The following ZNF521 variants were observed in gnomAD, a reference collection of about 807,000 sequenced individuals.
ZNF521 encodes the protein LYST-interacting protein 3.
In ZNF521, 14 loss-of-function variants were observed where a neutral mutation model predicts 105.5. That is an observed-to-expected ratio of 0.13 (90% CI 0.09 to 0.21). The LOEUF (loss-of-function observed/expected upper bound fraction) is 0.21. ZNF521 is among the 10% of genes least tolerant of loss of function. The pLI, the probability that ZNF521 is intolerant of heterozygous loss-of-function variation, is 1.00. For missense variants in ZNF521, 1,233 were observed against 1,629.7 expected (o/e 0.76, Z 4.19); for synonymous variants, 635 against 606.0 (o/e 1.05, Z -0.70).
intron 3 of ZNF521, among the ~76,000 whole-genome samples, chr18:25,296,154 C>G (rs770034411): frequency 4.6e-5 from 7 of 152,100 alleles, no homozygotes; most frequent in Admixed American, 2.0e-4. Flanking sequence ...TACTTAGAGT[C>G]TATTTTATTT....
At chr18:25,216,715 C>T (rs1324219141) in intron 4 of ZNF521, among the ~76,000 whole-genome samples, 1 of 152,096 alleles carries the variant, frequency 6.6e-6, no homozygotes, top group African/African-American at 2.4e-5. Flanking sequence ...TGCACCACCA[C>T]ACCTGATTAA....
chr18:25,180,919 G>A (rs2035621671), intron 5 of ZNF521, among the ~76,000 whole-genome samples: 1 of 152,192 alleles, frequency 6.6e-6, no homozygotes, highest in Non-Finnish European at 1.5e-5. Flanking sequence ...TATCTGCCCT[G>A]AATTCGTGGT....
At chr18:25,255,183 G>A (rs1273269581) in intron 3 of ZNF521, among the ~76,000 whole-genome samples, 1 of 152,010 alleles carries the variant, frequency 6.6e-6, no homozygotes, top group African/African-American at 2.4e-5. Flanking sequence ...ACACATAATT[G>A]CTGCTTTTAC....
At chr18:25,190,231 T>A (rs1275842235) in intron 5 of ZNF521, among the ~76,000 whole-genome samples, 1 of 152,154 alleles carries the variant, frequency 6.6e-6, no homozygotes, top group Non-Finnish European at 1.5e-5. Flanking sequence ...CTCTGAATTT[T>A]GTAAGCAATC....
At chr18:25,171,883 C>T (rs1056350551) in intron 5 of ZNF521, among the ~76,000 whole-genome samples, 1 of 152,070 alleles carries the variant, frequency 6.6e-6, no homozygotes, top group African/African-American at 2.4e-5. Flanking sequence ...TACTGTCAAG[C>T]TGCCACCCCT....
chr18:25,104,416 CA>C (rs1316180823), intron 5 of ZNF521, among the ~76,000 whole-genome samples: 1 of 152,164 alleles, frequency 6.6e-6, no homozygotes. Context: ...CTGTCTTAAA[CA>C]ATCTAAGTAG....
chr18:25,128,739 T>C (rs1164383352), intron 5 of ZNF521, among the ~76,000 whole-genome samples: 1 of 152,040 alleles, frequency 6.6e-6, no homozygotes, highest in Non-Finnish European at 1.5e-5. Flanking sequence ...CGTATAGACC[T>C]AATGATATAT....
At chr18:25,220,253 T>C (rs774354961) in intron 4 of ZNF521, among the ~76,000 whole-genome samples, 3 of 152,200 alleles carry the variant, frequency 2.0e-5, no homozygotes, top group African/African-American at 7.2e-5. Context: ...AGATATACTA[T>C]CTTTTTGTTT....
At chr18:25,245,031 G>A (rs985576634) in intron 3 of ZNF521, among the ~76,000 whole-genome samples, 2 of 152,220 alleles carry the variant, frequency 1.3e-5, no homozygotes. Context: ...GCTGGGAACT[G>A]CCTGCATTTT....
intron 2 of ZNF521, among the ~76,000 whole-genome samples, chr18:25,327,250 T>C (rs1040510299): frequency 1.3e-5 from 2 of 152,202 alleles, no homozygotes; most frequent in African/African-American, 4.8e-5. Flanking sequence ...AGGAATTCCA[T>C]GCTAAATAAG....
At chr18:25,307,360 C>T (rs957464583) in intron 3 of ZNF521, among the ~76,000 whole-genome samples, 3 of 152,198 alleles carry the variant, frequency 2.0e-5, no homozygotes, top group African/African-American at 7.2e-5. Context: ...AAACTCAAAA[C>T]TCAAATGGAA....
At chr18:25,197,275 A>G (rs2035918581) in intron 4 of ZNF521, among the ~76,000 whole-genome samples, 1 of 151,978 alleles carries the variant, frequency 6.6e-6, no homozygotes, top group South Asian at 2.1e-4. Flanking sequence ...TTACGGCTAG[A>G]TAAGAATTTA....
At chr18:25,214,270 G>A (rs1004544195) in intron 4 of ZNF521, among the ~76,000 whole-genome samples, 24 of 152,230 alleles carry the variant, frequency 1.6e-4, no homozygotes, top group African/African-American at 5.5e-4. Flanking sequence ...ATTTTGATAT[G>A]TGTAATGTTT....
intron 2 of ZNF521, among the ~76,000 whole-genome samples, chr18:25,339,313 A>G (rs953621471): frequency 1.3e-5 from 2 of 152,208 alleles, no homozygotes; most frequent in East Asian, 1.9e-4. Flanking sequence ...TGCTCAATAA[A>G]AAATCCTTTA....
intron 5 of ZNF521, among the ~76,000 whole-genome samples, chr18:25,166,300 A>C (rs1288784645): frequency 6.6e-6 from 1 of 152,214 alleles, no homozygotes; most frequent in Non-Finnish European, 1.5e-5. Context: ...AGTGGGAAGC[A>C]TAAACAGAAT....
At chr18:25,137,858 G>A (rs1299371308) in intron 5 of ZNF521, among the ~76,000 whole-genome samples, 3 of 152,112 alleles carry the variant, frequency 2.0e-5, no homozygotes, top group Admixed American at 6.6e-5. Context: ...TTGATCCTAA[G>A]GATGCCTAAT....
At chr18:25,235,388 G>A (rs1177669913) in intron 3 of ZNF521, among the ~76,000 whole-genome samples, 1 of 152,162 alleles carries the variant, frequency 6.6e-6, no homozygotes, top group Non-Finnish European at 1.5e-5. Context: ...GAAGCAGAAG[G>A]TAAAGGGGAT....
At chr18:25,273,835 T>G (rs553979795) in intron 3 of ZNF521, among the ~76,000 whole-genome samples, 14 of 152,170 alleles carry the variant, frequency 9.2e-5, no homozygotes, top group Non-Finnish European at 1.8e-4. Flanking sequence ...CTGCCACCTG[T>G]CCATAACGGC....
At chr18:25,340,223 T>G (rs1487855917) in intron 2 of ZNF521, among the ~76,000 whole-genome samples, 1 of 152,038 alleles carries the variant, frequency 6.6e-6, no homozygotes, top group Non-Finnish European at 1.5e-5. Context: ...AGCGTGATGG[T>G]GCGCACCTAT....
Sources: allele counts gnomAD v4.1 joint callset (sites outside exome capture counted in the v4.1 genomes callset), GRCh38; gene constraint gnomAD v4.1.1; transcripts MANE v1.5; gene names NCBI Gene and HGNC (gene_info 2026-07-23, HGNC 2026-07-21).